IRAK3: variants seen among roughly 807,000 people sequenced by gnomAD.
IRAK3 encodes interleukin-1 receptor-associated kinase 3.
IRAK3 carries 57 observed loss-of-function variants against 56.6 expected under a neutral mutation model. The observed-to-expected ratio is 1.01, with a 90% CI of 0.81 to 1.26. IRAK3 has a LOEUF of 1.26. Ranked by LOEUF, IRAK3 falls within the 50% of genes most tolerant of loss-of-function variation. The pLI is 0.00. For synonymous variants in IRAK3, 258 were observed against 255.7 expected (o/e 1.01, Z -0.09); for missense variants, 703 against 719.0 (o/e 0.98, Z 0.25).
chr12:66,234,406 T>A, intron 8 of IRAK3: 1 of 1,610,894 alleles, frequency 6.2e-7, no homozygotes, highest in Non-Finnish European at 8.5e-7. Context: ...GGTAGGCAGA[T>A]ACAGGAGATA....
chr12:66,245,438 T>G (rs1172321501), intron 11 of IRAK3, among the ~76,000 whole-genome samples, 176 bp downstream of exon 11: 1 of 152,074 alleles, frequency 6.6e-6, no homozygotes, highest in Non-Finnish European at 1.5e-5. Flanking sequence ...TGGTACTCTG[T>G]TAGAGGTCAT....
In IRAK3 at chr12:66,210,154, C is replaced by A; in HGVS notation, c.389C>A (p.Ala130Asp). 1 of 1,593,800 alleles carries A rather than the reference C, an allele frequency of 6.3e-7. No homozygotes were observed. Among genetic ancestry groups the A allele is most frequent in the South Asian group, 1.1e-5 (1 of 90,608 alleles). ...GFPNILFKET[A>D]NVTVDNVLIP... is the part of the protein sequence containing the mutation. The stretch of plus-strand genomic sequence containing the variant: ...ATATATTTCTTCTCTTAGGAAACAG[C>A]CAATGTCACCGTGGATAATGTTCTT... The change falls in exon 4 of 12, where the codon GCC (alanine) becomes GAC (aspartate). Residue 130 changes from alanine to aspartate, a missense_variant. Physicochemically the swap from Ala to Asp is moderately radical, Grantham distance 126. Transcript: ENST00000261233.
chr12:66,211,314 C>T lies in IRAK3; in HGVS notation c.437-132C>T, dbSNP rs551677673. 9.8e-4 allele frequency: 634 copies of T among 646,712 alleles called. 5 individuals are homozygous for T. The highest frequency in any genetic ancestry group is 3.7e-3 in the South Asian group (203 of 54,876). 40.1% of individuals were successfully genotyped at this position (646,712 alleles called of 1,614,324 possible). ...TGTGCAGAGAGCACATGGTGGTCTT[C>T]GGCTTTGGTTCCTGGGCCTTTCTCT... On this transcript the variant is annotated intron_variant, in intron 4 of 11. Coordinates refer to ENST00000261233, the MANE Select transcript of IRAK3 (RefSeq NM_007199.3).
intron 4 of IRAK3, among the ~76,000 whole-genome samples, chr12:66,210,581 A>G (rs1432272399): frequency 6.6e-6 from 1 of 152,226 alleles, no homozygotes. Context: ...ATTGTAGAGC[A>G]ATGCTGAAGG....
intron 1 of IRAK3, among the ~76,000 whole-genome samples, chr12:66,202,912 C>T (rs573757161): frequency 2.7e-5 from 4 of 150,928 alleles, no homozygotes; most frequent in Admixed American, 6.6e-5. Flanking sequence ...AATGATAGTA[C>T]TGGATTTTAA....
rs1444500411 is a variant in IRAK3 at position 66,254,081 on chromosome 12, A to T, written c.*5910A>T. Reference sequence around the variant, plus strand: ...GACAAAAATGGAATTCTTGTTCAATACTGGCAGGAGTGAAAATTGGTAGAA... The same window carrying T: ...GACAAAAATGGAATTCTTGTTCAATTCTGGCAGGAGTGAAAATTGGTAGAA... On this transcript the variant is annotated 3_prime_UTR_variant, in exon 12 of 12. Transcript: ENST00000261233. The T allele has an allele frequency of 6.6e-6, 1 of 152,206 alleles. No homozygotes were observed. The highest frequency in any genetic ancestry group is 2.1e-4 in the South Asian group (1 of 4,834). The allele number at this position is 152,206 out of a possible 1,614,324, so 9.4% of individuals were successfully genotyped here.
intron 1 of IRAK3, chr12:66,197,158 T>C (rs1054201171): frequency 3.9e-6 from 5 of 1,281,086 alleles, no homozygotes; most frequent in Admixed American, 4.0e-5. Flanking sequence ...TCAACAAAGA[T>C]TTGTGTTCCA....
chr12:66,234,364 T>C, intron 8 of IRAK3: 1 of 1,612,406 alleles, frequency 6.2e-7, no homozygotes. Flanking sequence ...GAATATATGG[T>C]TGAGGTTGCG....
intron 11 of IRAK3, among the ~76,000 whole-genome samples, chr12:66,245,601 G>A (rs1032015137): frequency 7.3e-5 from 5 of 68,918 alleles, no homozygotes; most frequent in Admixed American, 2.5e-4. Context: ...GCAGTGGCAC[G>A]GCCCACTGCA....
At chr12:66,194,146 A>G (rs1287933343) in intron 1 of IRAK3, among the ~76,000 whole-genome samples, 4 of 152,138 alleles carry the variant, frequency 2.6e-5, no homozygotes, top group African/African-American at 9.7e-5. Flanking sequence ...GGCTCTAGCA[A>G]TCCTCCTGCT....
At chr12:66,197,299 T>A in intron 1 of IRAK3, 4 of 1,079,200 alleles carry the variant, frequency 3.7e-6, no homozygotes, top group Non-Finnish European at 4.5e-6. Flanking sequence ...ATTTGATATG[T>A]ACTGCGAGTA....
chr12:66,211,248 C>T (rs1373702720), intron 4 of IRAK3, among the ~76,000 whole-genome samples, 198 bp from the exon 5 acceptor site: 1 of 152,148 alleles, frequency 6.6e-6, no homozygotes, highest in Non-Finnish European at 1.5e-5. Flanking sequence ...TCCGAAGAAA[C>T]CCTTTGCTCT....
At chr12:66,194,827 C>CAAA (rs71096077) in intron 1 of IRAK3, among the ~76,000 whole-genome samples, 6 of 132,454 alleles carry the variant, frequency 4.5e-5, no homozygotes, top group South Asian at 4.9e-4. Flanking sequence ...AGACTCCTCT[C>CAAA]AAAAAAAAAA....
At chr12:66,225,976 T>C (rs556960835) in intron 6 of IRAK3, among the ~76,000 whole-genome samples, 3 of 152,298 alleles carry the variant, frequency 2.0e-5, no homozygotes, top group South Asian at 2.1e-4. Flanking sequence ...TATTCTTATG[T>C]TTTGGTGACT....
intron 1 of IRAK3, among the ~76,000 whole-genome samples, chr12:66,191,827 C>T (rs1181036597): frequency 6.6e-6 from 1 of 152,158 alleles, no homozygotes; most frequent in Non-Finnish European, 1.5e-5. Flanking sequence ...CTCAGGACAG[C>T]TGACAGCCCA....
chr12:66,238,794 A>T (rs926333324), intron 8 of IRAK3, among the ~76,000 whole-genome samples: 1 of 152,210 alleles, frequency 6.6e-6, no homozygotes, highest in East Asian at 1.9e-4. Context: ...TTATTTAGCT[A>T]AAAAATGTCT....
In IRAK3 at chr12:66,202,603, C is replaced by T. The variant is rs536257020; in HGVS notation, c.134-1108C>T. 3.0e-4 allele frequency among the ~76,000 whole-genome samples: 45 copies of T among 151,834 alleles called. 1 individual carries two copies. The South Asian group carries it at 9.2e-3, about 31-fold the overall frequency. On this transcript the variant is annotated intron_variant, in intron 1 of 11. Transcript: ENST00000261233. ...GACCAGCTGGGGCAGTGTGGCAAAA[C>T]CCCATCTCTACCAAAAAAGAAAAAA...
chr12:66,227,776 AAAGAG>A (rs1278009557), intron 7 of IRAK3, among the ~76,000 whole-genome samples: 3 of 151,576 alleles, frequency 2.0e-5, no homozygotes, highest in Admixed American at 6.6e-5. Context: ...AAAAAAAAAA[AAAGAG>A]AGAGAGACAG....
At chr12:66,195,716 A>G (rs2052444685) in intron 1 of IRAK3, among the ~76,000 whole-genome samples, 1 of 151,942 alleles carries the variant, frequency 6.6e-6, no homozygotes, top group African/African-American at 2.4e-5. Flanking sequence ...CTGGAGTGCA[A>G]TGGTGCAATC....
Sources: gnomAD v4.1 joint callset for allele counts (sites outside exome capture counted in the v4.1 genomes callset) on GRCh38, gnomAD v4.1.1 for gene constraint, MANE v1.5 for transcripts, NCBI Gene and HGNC (gene_info 2026-07-23, HGNC 2026-07-21) for gene names.